Variants in NXPH3 observed in about 807,000 individuals in gnomAD.
NXPH3 encodes the protein neurexophilin 3.
A neutral mutation model predicts 18.8 loss-of-function variants in NXPH3; 7 were observed. The observed-to-expected ratio is 0.37, with a 90% CI of 0.21 to 0.70. NXPH3 has a LOEUF of 0.70. Ranked by LOEUF, NXPH3 falls within the 30% of genes least tolerant of loss-of-function variation. NXPH3 has a pLI of 0.53. For missense variants in NXPH3, 282 were observed against 338.1 expected, an observed-to-expected ratio of 0.83 and a Z score of 1.30; for synonymous variants, 101 against 137.3, an observed-to-expected ratio of 0.74 and a Z score of 1.85.
At position 49,578,200 on chromosome 17, in the gene NXPH3, G is replaced by A. The variant is rs954890096; in HGVS notation, c.55-396G>A. On this transcript the variant is annotated intron_variant, in intron 1 of 1. Coordinates refer to ENST00000328741, the MANE Select transcript of NXPH3 (RefSeq NM_007225.4). The surrounding 1 kb of genome is among the most constrained non-coding windows in gnomAD (Gnocchi z 4.5). ...TACTTCCTATCAAATTGGGGGCTCT[G>A]TCAGCACAGGGATGATGCTTCTGCA... Among the ~76,000 whole-genome samples, 1 of 152,176 alleles carries A rather than the reference G, an allele frequency of 6.6e-6. No individual in the cohort carries two copies. The highest frequency in any genetic ancestry group is 1.5e-5 in the Non-Finnish European group (1 of 68,020).
chr17:49,581,467 A>G lies in NXPH3; in HGVS notation c.*2167A>G, dbSNP rs2071600011. The G allele has an allele frequency of 1.6e-6, 1 of 613,170 alleles. No individual in the cohort carries two copies. The highest frequency in any genetic ancestry group is 1.8e-5 in the African/African-American group (1 of 54,344). The allele number at this position is 613,170 out of a possible 1,614,324, so 38.0% of individuals were successfully genotyped here. ...GCTCCGCGCAAACTGGTCCCCTCAT[A>G]CTGCAGCGCAGAGTTGGGTGGGGCT... On this transcript the variant is annotated 3_prime_UTR_variant, in exon 2 of 2. Coordinates refer to ENST00000328741, the MANE Select transcript of NXPH3 (RefSeq NM_007225.4).
rs2071569920 is a variant in NXPH3 at position 49,576,181 on chromosome 17, G to A, written c.-39G>A. The A allele has an allele frequency of 6.4e-7, 1 of 1,555,664 alleles. No homozygotes were observed. Among genetic ancestry groups the A allele is most frequent in the East Asian group, 2.4e-5 (1 of 41,280 alleles). ...GGAAGGAGGCCTGGGACCCCGAAAA[G>A]AGAAGGGGAGAGCGAGGGGACGAGA... is the stretch of plus-strand genomic sequence containing the variant. On this transcript the variant is annotated 5_prime_UTR_variant, in exon 1 of 2. Coordinates refer to ENST00000328741, the MANE Select transcript of NXPH3 (RefSeq NM_007225.4).
chr17:49,578,682 T>G lies in NXPH3; in HGVS notation c.141T>G (p.Pro47=). 1 of 1,612,632 alleles carries G rather than the reference T, an allele frequency of 6.2e-7. No individual in the cohort carries two copies. The highest frequency in any genetic ancestry group is 2.2e-5 in the East Asian group (1 of 44,868). ...AGGGCCAGCCCCGGCCCCGGGTGCC[T>G]CGGAAGCGGGGCCACATCTCACCTA... ...DHEGQPRPRV[P]RKRGHISPKS... is the part of the protein sequence containing the mutation. The change falls in exon 2 of 2, where the codon CCT becomes CCG. Residue 47 remains proline, a synonymous_variant. Coordinates refer to ENST00000328741, the MANE Select transcript of NXPH3 (RefSeq NM_007225.4). The surrounding 1 kb of genome is among the most constrained non-coding windows in gnomAD (Gnocchi z 4.5).
Position 49,576,791 on chromosome 17 carries a change from C to CCGGCTGCG in NXPH3, c.54+521_54+528dup, listed in dbSNP as rs1476660438. Among the ~76,000 whole-genome samples, 5 of 150,986 alleles carry CCGGCTGCG rather than the reference C, an allele frequency of 3.3e-5. No individual in the cohort carries two copies. The East Asian group carries it at 7.9e-4, about 24-fold the overall frequency. Reference sequence around the variant, plus strand: ...CCGCCTGTTGTTTTCCTCTGCTCTCCCGGCTGCGCGCAGCCGGAGCCCCAC... The same window carrying CCGGCTGCG: ...CCGCCTGTTGTTTTCCTCTGCTCTCCCGGCTGCGCGGCTGCGCGCAGCCGGAGCCCCAC... On this transcript the variant is annotated intron_variant, in intron 1 of 1. Coordinates refer to ENST00000328741, the MANE Select transcript of NXPH3 (RefSeq NM_007225.4).
intron 1 of NXPH3, among the ~76,000 whole-genome samples, chr17:49,576,716 G>GCGGC (rs1358449855): frequency 6.6e-6 from 1 of 151,774 alleles, no homozygotes; most frequent in Non-Finnish European, 1.5e-5. Context: ...CAGGCGGGGG[G>GCGGC]CGGCCCCCGC....
rs754802481 is a variant in NXPH3, at chr17:49,581,954, G to A, written c.*2654G>A. The A allele has an allele frequency of 2.5e-5, 15 of 601,314 alleles. No individual in the cohort carries two copies. The highest frequency in any genetic ancestry group is 7.4e-5 in the African/African-American group (4 of 53,970). 37.2% of individuals were successfully genotyped at this position (601,314 alleles called of 1,614,324 possible). ...TCATTTCACCCTCATGCACACTGCCGCCTCATCCCTCCTTTCCACCTTCCC... is the reference window on the plus strand; with the variant it reads ...TCATTTCACCCTCATGCACACTGCCACCTCATCCCTCCTTTCCACCTTCCC... On this transcript the variant is annotated 3_prime_UTR_variant, in exon 2 of 2. Transcript: ENST00000328741.
chr17:49,582,227 A>C lies in NXPH3; in HGVS notation c.*2927A>C. 2 of 297,280 alleles carry C rather than the reference A, an allele frequency of 6.7e-6. No homozygotes were observed. Among genetic ancestry groups the C allele is most frequent in the South Asian group, 7.6e-5 (1 of 13,098 alleles). 18.4% of individuals were successfully genotyped at this position (297,280 alleles called of 1,614,324 possible). On this transcript the variant is annotated 3_prime_UTR_variant, in exon 2 of 2. Transcript: ENST00000328741. ...TCACGACGAAGTGCGCTGGCCTCCC[A>C]CTCTTGCCATGCACACACTCACAGG... is the stretch of plus-strand genomic sequence containing the variant.
At position 49,578,403 on chromosome 17, in the gene NXPH3, G is replaced by C. The variant is rs575501148; in HGVS notation, c.55-193G>C. Among the ~76,000 whole-genome samples the C allele has an allele frequency of 6.6e-6, 1 of 151,848 alleles. No homozygotes were observed. The highest frequency in any genetic ancestry group is 2.1e-4 in the South Asian group (1 of 4,828). Reference sequence around the variant, plus strand: ...AGTGAGGAAAGGACAATGGGGGGGGGGGTGACCCAACTGTCAGAACCTGAG... The same window carrying C: ...AGTGAGGAAAGGACAATGGGGGGGGCGGTGACCCAACTGTCAGAACCTGAG... On this transcript the variant is annotated intron_variant, in intron 1 of 1. Transcript: ENST00000328741. The surrounding 1 kb of genome is among the most constrained non-coding windows in gnomAD (Gnocchi z 4.5).
Position 49,576,138 on chromosome 17 carries a change from C to G in NXPH3, c.-82C>G, listed in dbSNP as rs2071569652. On this transcript the variant is annotated 5_prime_UTR_variant, in exon 1 of 2. Transcript: ENST00000328741. ...GGGGACTGGAGCATGGGACGGCGCG[C>G]CTGAAGGAGCAGGAAGGGGAAGGAG... The G allele has an allele frequency of 1.2e-5, 18 of 1,518,902 alleles. No individual in the cohort carries two copies. The highest frequency in any genetic ancestry group is 1.6e-5 in the Non-Finnish European group (18 of 1,120,214). 94.1% of individuals were successfully genotyped at this position (1,518,902 alleles called of 1,614,324 possible).
chr17:49,577,543 G>A (rs542179053), intron 1 of NXPH3, among the ~76,000 whole-genome samples: 1 of 152,336 alleles, frequency 6.6e-6, no homozygotes, highest in South Asian at 2.1e-4. Flanking sequence ...TCTCCCAGGT[G>A]TGGGTTGTCA....
At position 49,578,675 on chromosome 17, in the gene NXPH3, G is replaced by C. The variant is rs370849759; in HGVS notation, c.134G>C (p.Arg45Pro). 1 of 1,612,100 alleles carries C rather than the reference G, an allele frequency of 6.2e-7. No individual in the cohort carries two copies. The highest frequency in any genetic ancestry group is 1.1e-5 in the South Asian group (1 of 90,866). The change falls in exon 2 of 2, where the codon CGG (arginine) becomes CCG (proline). Residue 45 changes from arginine (R) to proline (P), a missense_variant. Physicochemically the swap from Arg to Pro is moderately radical, Grantham distance 103 (BLOSUM62 -2). Coordinates refer to ENST00000328741, the MANE Select transcript of NXPH3 (RefSeq NM_007225.4). The surrounding 1 kb of genome is among the most constrained non-coding windows in gnomAD (Gnocchi z 4.5). ...RDDHEGQPRP[R>P]VPRKRGHISP... ...GACCACGAGGGCCAGCCCCGGCCCC[G>C]GGTGCCTCGGAAGCGGGGCCACATC...
rs1440522373 is a variant in NXPH3 at position 49,581,667 on chromosome 17, A to C, written c.*2367A>C. ...GAGACTGCTGGCACTGGAGCAGCCC[A>C]CCAATGGACACCCACCGTGTGCCGT... On this transcript the variant is annotated 3_prime_UTR_variant, in exon 2 of 2. Coordinates refer to ENST00000328741, the MANE Select transcript of NXPH3 (RefSeq NM_007225.4). 8.5e-6 allele frequency: 6 copies of C among 702,550 alleles called. No homozygotes were observed. The highest frequency in any genetic ancestry group is 5.9e-5 in the South Asian group (4 of 67,602). The allele number at this position is 702,550 out of a possible 1,614,324, so 43.5% of individuals were successfully genotyped here.
chr17:49,577,390 G>A (rs2071576831), intron 1 of NXPH3, among the ~76,000 whole-genome samples: 2 of 152,096 alleles, frequency 1.3e-5, no homozygotes, highest in South Asian at 2.1e-4. Context: ...GATGCCCCCC[G>A]GTGCTGGTAG....
rs1475647274 is a variant in NXPH3 at position 49,581,973 on chromosome 17, C to T, written c.*2673C>T. 1.7e-6 allele frequency: 1 copy of T among 599,238 alleles called. No homozygotes were observed. The highest frequency in any genetic ancestry group is 3.0e-6 in the Non-Finnish European group (1 of 336,100). 37.1% of individuals were successfully genotyped at this position (599,238 alleles called of 1,614,324 possible). A position where few individuals can be genotyped will look rare whatever the true frequency, so the allele number is the denominator to read the frequency against. ...ACTGCCGCCTCATCCCTCCTTTCCA[C>T]CTTCCCCAGTAGCCTGGCTGCTCTC... is the stretch of plus-strand genomic sequence containing the variant. On this transcript the variant is annotated 3_prime_UTR_variant, in exon 2 of 2. Transcript: ENST00000328741.
At position 49,575,912 on chromosome 17, in the gene NXPH3, G is replaced by T. The variant is rs1054176156; in HGVS notation, c.-308G>T. 5 of 328,210 alleles carry T rather than the reference G, an allele frequency of 1.5e-5. No individual in the cohort carries two copies. Among genetic ancestry groups the T allele is most frequent in the Non-Finnish European group, 2.2e-5 (4 of 182,198 alleles). The allele number at this position is 328,210 out of a possible 1,614,324, so 20.3% of individuals were successfully genotyped here. ...AGCGGCGCCGCTGGAGCCGAGGGGG[G>T]CGCCGAGCGCAGATCTGGAGCAGCA... On this transcript the variant is annotated 5_prime_UTR_variant, in exon 1 of 2. Transcript: ENST00000328741. The surrounding 1 kb of genome is among the most constrained non-coding windows in gnomAD (Gnocchi z 4.3).
Position 49,576,097 on chromosome 17 carries a change from AGGGCCGC to A in NXPH3, c.-115_-109del, listed in dbSNP as rs1399348060. 13 of 1,205,128 alleles carry A rather than the reference AGGGCCGC, an allele frequency of 1.1e-5. No individual in the cohort carries two copies. Among genetic ancestry groups the A allele is most frequent in the Non-Finnish European group, 1.3e-5 (11 of 847,600 alleles). The allele number at this position is 1,205,128 out of a possible 1,614,324, so 74.7% of individuals were successfully genotyped here. On this transcript the variant is annotated 5_prime_UTR_variant, in exon 1 of 2. Transcript: ENST00000328741. The stretch of plus-strand genomic sequence containing the variant: ...CGGCCCTGGGCGACCCGCTGAGGGG[AGGGCCGC>A]GGGCCGCCGGGGACTGGAGCATGGG...
At position 49,581,851 on chromosome 17, in the gene NXPH3, T is replaced by A; in HGVS notation, c.*2551T>A. 4.3e-6 allele frequency: 3 copies of A among 693,680 alleles called. No individual in the cohort carries two copies. In the East Asian group the frequency reaches 8.1e-5, roughly 19 times the overall value. The allele number at this position is 693,680 out of a possible 1,614,324, so 43.0% of individuals were successfully genotyped here. A position where few individuals can be genotyped will look rare whatever the true frequency, so the allele number is the denominator to read the frequency against. ...TCCTCTCCTCCTGTGGAGAGCCAGA[T>A]GCTGGCGACAGCTGGAGGGCCCGGC... On this transcript the variant is annotated 3_prime_UTR_variant, in exon 2 of 2. Transcript: ENST00000328741.
chr17:49,576,327 G>A (rs1264820668), intron 1 of NXPH3, 54 bp downstream of exon 1: 2 of 1,536,240 alleles, frequency 1.3e-6, no homozygotes, highest in African/African-American at 1.4e-5. Context: ...AGGATCGGGG[G>A]AGAGCGCGGG....
In NXPH3 at chr17:49,576,136, C is replaced by T; in HGVS notation, c.-84C>T. 1.3e-6 allele frequency: 2 copies of T among 1,510,698 alleles called. No homozygotes were observed. The highest frequency in any genetic ancestry group is 1.8e-6 in the Non-Finnish European group (2 of 1,112,972). The allele number at this position is 1,510,698 out of a possible 1,614,324, so 93.6% of individuals were successfully genotyped here. A position where few individuals can be genotyped will look rare whatever the true frequency, so the allele number is the denominator to read the frequency against. ...CCGGGGACTGGAGCATGGGACGGCG[C>T]GCCTGAAGGAGCAGGAAGGGGAAGG... On this transcript the variant is annotated 5_prime_UTR_variant, in exon 1 of 2. Coordinates refer to ENST00000328741, the MANE Select transcript of NXPH3 (RefSeq NM_007225.4).
Sources: gnomAD v4.1 joint callset for allele counts (sites outside exome capture counted in the v4.1 genomes callset) on GRCh38, gnomAD v4.1.1 for gene constraint, Gnocchi (gnomAD v3.1) non-coding constraint, MANE v1.5 for transcripts, NCBI Gene and HGNC (gene_info 2026-07-23, HGNC 2026-07-21) for gene names.